Variants in PCTP observed in about 807,000 individuals in gnomAD.
The protein encoded by PCTP is START domain-containing protein 2.
A neutral mutation model predicts 31.0 loss-of-function variants in PCTP; 27 were observed. The observed-to-expected ratio is 0.87, with a 90% CI of 0.64 to 1.20. The LOEUF (loss-of-function observed/expected upper bound fraction) is 1.20, where lower values mean the gene tolerates loss of function less well. Ranked by LOEUF, PCTP falls within the 50% of genes most tolerant of loss-of-function variation. The pLI, the probability that PCTP is intolerant of heterozygous loss-of-function variation, is 0.00. For missense variants in PCTP, 287 were observed against 268.2 expected (o/e 1.07, Z -0.49); for synonymous variants, 108 against 101.2 (o/e 1.07, Z -0.40).
the PCTP span, among the ~76,000 whole-genome samples, chr17:55,849,846 A>G: frequency 2.6e-5 from 4 of 152,168 alleles, no homozygotes; most frequent in African/African-American, 4.8e-5. Context: ...GAATTCATCC[A>G]TATAAAAGTA....
At chr17:55,839,648 C>T (rs898058734) in intron 5 of PCTP, among the ~76,000 whole-genome samples, 16 of 152,178 alleles carry the variant, frequency 1.1e-4, no homozygotes, top group African/African-American at 3.4e-4. Flanking sequence ...TGGCCGGGCG[C>T]GGTGGCTCAC....
intron 2 of PCTP, among the ~76,000 whole-genome samples, chr17:55,767,871 T>C (rs1186358603): frequency 2.7e-5 from 4 of 145,542 alleles, no homozygotes; most frequent in African/African-American, 1.0e-4. Context: ...GGCGGACAGA[T>C]CACTTGAGGC....
chr17:55,753,701 T>C (rs1909837463), intron 1 of PCTP, among the ~76,000 whole-genome samples: 6 of 152,166 alleles, frequency 3.9e-5, no homozygotes, highest in Admixed American at 3.3e-4. Context: ...CCCATTACCA[T>C]AGACCTGACA....
At chr17:55,794,211 C>T (rs1047073931) in intron 3 of PCTP, among the ~76,000 whole-genome samples, 5 of 152,034 alleles carry the variant, frequency 3.3e-5, no homozygotes, top group African/African-American at 1.2e-4. Flanking sequence ...ATTACATTCC[C>T]AAGACATAAC....
chr17:55,781,407 T>G (rs1312876515), downstream of PCTP, among the ~76,000 whole-genome samples: 2 of 152,238 alleles, frequency 1.3e-5, no homozygotes, highest in Non-Finnish European at 2.9e-5. Context: ...TAGAAAAAAC[T>G]TAATCTATGA....
intron 5 of PCTP, chr17:55,775,571 GA>G: frequency 1.7e-6 from 2 of 1,160,746 alleles, no homozygotes; most frequent in Non-Finnish European, 1.1e-6. Context: ...CTACTGCATA[GA>G]GGGGGAGTAA....
rs1001859912 is a variant in PCTP, at chr17:55,792,467, AAAAATAAAAT to A, written c.317+4830_317+4839del. 2.0e-5 allele frequency among the ~76,000 whole-genome samples: 3 copies of A among 152,138 alleles called. No homozygotes were observed. In the South Asian group the frequency reaches 6.2e-4, roughly 32 times the overall value. On this transcript the variant is annotated intron_variant, in intron 3 of 3. Coordinates refer to the PCTP transcript ENST00000572536. ...TTGATACAAAATAAATTCTCCACAG[AAAAATAAAAT>A]AAAATAAAATAAAATATCTCACATA... is the stretch of plus-strand genomic sequence containing the variant.
downstream of PCTP, among the ~76,000 whole-genome samples, chr17:55,845,124 A>G: frequency 6.8e-6 from 1 of 147,550 alleles, no homozygotes. Flanking sequence ...GACATCTAAC[A>G]CGGTTTTAGC....
At chr17:55,848,639 C>T in the PCTP span, among the ~76,000 whole-genome samples, 4 of 152,332 alleles carry the variant, frequency 2.6e-5, no homozygotes, top group East Asian at 7.7e-4. Context: ...AACTTATTCA[C>T]TCTCAATCAT....
intron 1 of PCTP, among the ~76,000 whole-genome samples, chr17:55,761,280 G>A (rs1200606142): frequency 6.6e-6 from 1 of 151,974 alleles, no homozygotes; most frequent in Non-Finnish European, 1.5e-5. Context: ...ACAATGACTA[G>A]TATTATTGAA....
chr17:55,817,560 G>T (rs762980109), intron 3 of PCTP, among the ~76,000 whole-genome samples: 15 of 152,216 alleles, frequency 9.9e-5, no homozygotes, highest in South Asian at 6.2e-4. Context: ...TGCTCCTGCT[G>T]TGCATTTAAA....
In PCTP at chr17:55,786,440, G is replaced by A. The variant is rs1041067673; in HGVS notation, c.229-1126G>A. Among the ~76,000 whole-genome samples, 31 of 152,134 alleles carry A rather than the reference G, an allele frequency of 2.0e-4. 1 individual carries two copies. The highest frequency in any genetic ancestry group is 1.7e-3 in the Admixed American group (26 of 15,282). ...GGTGCAGCACACCAACATGGCACATGTATACATATGTAACAAACTTGCACG... is the reference window on the plus strand; with the variant it reads ...GGTGCAGCACACCAACATGGCACATATATACATATGTAACAAACTTGCACG... On this transcript the variant is annotated intron_variant, in intron 2 of 3. Coordinates refer to the PCTP transcript ENST00000572536.
intron 3 of PCTP, among the ~76,000 whole-genome samples, chr17:55,815,258 C>G (rs1360356607): frequency 6.6e-6 from 1 of 151,990 alleles, no homozygotes; most frequent in Non-Finnish European, 1.5e-5. Context: ...TTGCTTTTGG[C>G]TAAATATTGG....
downstream of PCTP, among the ~76,000 whole-genome samples, chr17:55,780,316 A>G (rs1911517528): frequency 6.7e-6 from 1 of 149,002 alleles, no homozygotes; most frequent in Non-Finnish European, 1.5e-5. Context: ...CTATGTAAGT[A>G]CACTATGTAA....
At chr17:55,751,643 T>G (rs1909723250) in intron 1 of PCTP, among the ~76,000 whole-genome samples, 1 of 152,038 alleles carries the variant, frequency 6.6e-6, no homozygotes, top group Non-Finnish European at 1.5e-5. Context: ...ATCTTAGGGC[T>G]TGGATATAGG....
the PCTP span, among the ~76,000 whole-genome samples, chr17:55,850,929 A>G: frequency 6.6e-4 from 101 of 152,208 alleles, no homozygotes; most frequent in Non-Finnish European, 1.3e-3. Context: ...CTACAGAAGC[A>G]GAGGGTTGTT....
intron 2 of PCTP, among the ~76,000 whole-genome samples, chr17:55,787,021 G>A (rs1035347657): frequency 3.4e-5 from 5 of 147,240 alleles, no homozygotes; most frequent in African/African-American, 1.1e-4. Context: ...ATATGCATGT[G>A]TGAGCATGTG....
chr17:55,779,420 A>C (rs771817300), downstream of PCTP, among the ~76,000 whole-genome samples: 1 of 152,204 alleles, frequency 6.6e-6, no homozygotes, highest in African/African-American at 2.4e-5. Context: ...TGACAGAAGA[A>C]CCATTTGCAC....
intron 3 of PCTP, among the ~76,000 whole-genome samples, chr17:55,821,601 T>C (rs1477384800): frequency 6.6e-6 from 1 of 152,210 alleles, no homozygotes; most frequent in Non-Finnish European, 1.5e-5. Context: ...TGCTAGGTAC[T>C]GTGCTAAACT....
Sources: allele counts gnomAD v4.1 joint callset (sites outside exome capture counted in the v4.1 genomes callset), GRCh38; gene constraint gnomAD v4.1.1; transcripts MANE v1.5; gene names NCBI Gene and HGNC (gene_info 2026-07-23, HGNC 2026-07-21).